The following SEMA3C variants were observed in gnomAD, a reference collection of about 807,000 sequenced individuals.
The protein encoded by SEMA3C is semaphorin 3C, also known as semaphorin-3C.
SEMA3C carries 47 observed loss-of-function variants against 89.4 expected under a neutral mutation model. That is an observed-to-expected ratio of 0.53 (90% CI 0.42 to 0.67). The LOEUF (loss-of-function observed/expected upper bound fraction) is 0.67, where lower values mean the gene tolerates loss of function less well. Among genes scored for constraint, SEMA3C ranks in the 30% least tolerant of loss-of-function variants. The pLI, the probability that SEMA3C is intolerant of heterozygous loss-of-function variation, is 0.00. For missense variants in SEMA3C, 839 were observed against 929.1 expected (o/e 0.90, Z 1.26); for synonymous variants, 310 against 320.2 (o/e 0.97, Z 0.34).
intron 2 of SEMA3C, among the ~76,000 whole-genome samples, chr7:80,863,458 A>G (rs1370877711): frequency 6.6e-6 from 1 of 151,950 alleles, no homozygotes; most frequent in Non-Finnish European, 1.5e-5. Flanking sequence ...GAGATTCCTT[A>G]AAGAACTGAA....
chr7:80,890,935 G>A (rs563669976), intron 2 of SEMA3C, among the ~76,000 whole-genome samples: 82 of 152,172 alleles, frequency 5.4e-4, no homozygotes, highest in Middle Eastern at 3.4e-3. Flanking sequence ...CATGTCCTCT[G>A]ACCTCCCTGT....
chr7:80,909,856 G>A (rs1210129167), intron 2 of SEMA3C, among the ~76,000 whole-genome samples: 1 of 152,134 alleles, frequency 6.6e-6, no homozygotes, highest in Non-Finnish European at 1.5e-5. Context: ...TTCGCAAAGA[G>A]AATTGAGAGG....
intron 2 of SEMA3C, among the ~76,000 whole-genome samples, chr7:80,902,527 C>G (rs1420997208): frequency 2.0e-5 from 3 of 152,072 alleles, no homozygotes; most frequent in Admixed American, 6.6e-5. Context: ...AAATTATGTT[C>G]CGGAAAAAGC....
chr7:80,797,030 G>T (rs1789082240), intron 11 of SEMA3C, among the ~76,000 whole-genome samples: 1 of 151,956 alleles, frequency 6.6e-6, no homozygotes, highest in South Asian at 2.1e-4. Context: ...TAATTATTTG[G>T]AAGAATATTA....
chr7:80,793,422 A>G, intron 11 of SEMA3C: 3 of 415,446 alleles, frequency 7.2e-6, no homozygotes, highest in Non-Finnish European at 1.4e-5. Flanking sequence ...TATTTTATCC[A>G]AAAAGCACTT....
At chr7:80,892,736 C>A (rs1307410652) in intron 2 of SEMA3C, among the ~76,000 whole-genome samples, 1 of 152,086 alleles carries the variant, frequency 6.6e-6, no homozygotes, top group Non-Finnish European at 1.5e-5. Flanking sequence ...AAGTATTTTG[C>A]TCTTTGTCTA....
chr7:80,886,055 G>A (rs1273516040), intron 2 of SEMA3C, among the ~76,000 whole-genome samples: 1 of 152,164 alleles, frequency 6.6e-6, no homozygotes, highest in East Asian at 1.9e-4. Context: ...ATTCCACTGA[G>A]TCTAAAATAT....
intron 2 of SEMA3C, among the ~76,000 whole-genome samples, chr7:80,875,921 A>G (rs1309694438): frequency 6.6e-6 from 1 of 152,044 alleles, no homozygotes; most frequent in East Asian, 1.9e-4. Flanking sequence ...CACATCTTCT[A>G]TCGGTGAAAC....
intron 5 of SEMA3C, among the ~76,000 whole-genome samples, chr7:80,812,607 T>C (rs1302603537): frequency 6.6e-6 from 1 of 152,132 alleles, no homozygotes; most frequent in East Asian, 1.9e-4. Flanking sequence ...TACTCCTACA[T>C]TGCACAGCAC....
intron 13 of SEMA3C, among the ~76,000 whole-genome samples, chr7:80,762,808 A>G (rs1788215677): frequency 6.6e-6 from 1 of 152,162 alleles, no homozygotes; most frequent in Non-Finnish European, 1.5e-5. Flanking sequence ...AGTGAAACCC[A>G]TTTCAAAAAA....
intron 6 of SEMA3C, among the ~76,000 whole-genome samples, chr7:80,810,120 G>A (rs571321950): frequency 2.0e-5 from 3 of 152,052 alleles, no homozygotes; most frequent in Non-Finnish European, 4.4e-5. Flanking sequence ...ATACGTGGGC[G>A]AGGTAATGGA....
At chr7:80,815,787 T>C (rs1789593552) in intron 5 of SEMA3C, among the ~76,000 whole-genome samples, 1 of 152,094 alleles carries the variant, frequency 6.6e-6, no homozygotes, top group African/African-American at 2.4e-5. Flanking sequence ...TGTGATATTC[T>C]TGGTCAGTCT....
intron 2 of SEMA3C, among the ~76,000 whole-genome samples, chr7:80,903,794 A>C (rs1486348605): frequency 3.3e-5 from 5 of 152,220 alleles, no homozygotes; most frequent in Admixed American, 1.3e-4. Flanking sequence ...GGCTAAAAAA[A>C]ATGATATACA....
rs537471108 is a variant in SEMA3C at position 80,773,040 on chromosome 7, G to A, written c.1355-7797C>T. On this transcript the variant is annotated intron_variant, in intron 12 of 17. Transcript: ENST00000265361. ...GTGTTTGCTCAAACATTAAAGAATCGTGAGAGAAAAACAGTATAATTTTTT... is the reference window on the plus strand; with the variant it reads ...GTGTTTGCTCAAACATTAAAGAATCATGAGAGAAAAACAGTATAATTTTTT... Among the ~76,000 whole-genome samples the A allele has an allele frequency of 3.3e-5, 5 of 152,186 alleles. No homozygotes were observed. The East Asian group carries it at 5.8e-4, about 18-fold the overall frequency.
intron 12 of SEMA3C, 100 bp downstream of exon 12, chr7:80,789,206 G>T: frequency 1.1e-6 from 1 of 899,038 alleles, no homozygotes; most frequent in Non-Finnish European, 1.7e-6. Flanking sequence ...CGTAATTATT[G>T]GAGTTTTTCT....
intron 12 of SEMA3C, among the ~76,000 whole-genome samples, chr7:80,786,701 AATTCATATTACAC>A (rs1788811944): frequency 6.6e-6 from 1 of 152,334 alleles, no homozygotes; most frequent in African/African-American, 2.4e-5. Context: ...CACATTTATG[AATTCATATTACAC>A]GAGTAACAAT....
chr7:80,869,366 G>C (rs1308740961), intron 2 of SEMA3C, among the ~76,000 whole-genome samples: 1 of 152,204 alleles, frequency 6.6e-6, no homozygotes, highest in East Asian at 1.9e-4. Flanking sequence ...TTTGCTCGTA[G>C]ATTGGTTCTT....
intron 4 of SEMA3C, among the ~76,000 whole-genome samples, chr7:80,820,291 A>G (rs1280688079): frequency 6.6e-6 from 1 of 151,636 alleles, no homozygotes; most frequent in Non-Finnish European, 1.5e-5. Flanking sequence ...CGATCTCCTG[A>G]CCTCATGAAC....
chr7:80,747,342 A>G (rs1787825229), intron 17 of SEMA3C, among the ~76,000 whole-genome samples: 2 of 152,172 alleles, frequency 1.3e-5, no homozygotes, highest in Non-Finnish European at 2.9e-5. Flanking sequence ...ATATTCAAAC[A>G]TATGTATTTA....
Sources: allele counts gnomAD v4.1 joint callset (sites outside exome capture counted in the v4.1 genomes callset), GRCh38; gene constraint gnomAD v4.1.1; transcripts MANE v1.5; gene names NCBI Gene and HGNC (gene_info 2026-07-23, HGNC 2026-07-21).